Variants in AFF2 observed in about 807,000 individuals in gnomAD.
AFF2 encodes AF4/FMR2 family member 2.
In AFF2, 14 loss-of-function variants were observed where a neutral mutation model predicts 76.9. The observed-to-expected ratio is 0.18, with a 90% CI of 0.12 to 0.28. The LOEUF is 0.28. AFF2 is among the 10% of genes least tolerant of loss of function. The probability of loss-of-function intolerance (pLI) is 1.00; values close to 1 mark genes in which losing one functional copy is unlikely to be tolerated. For synonymous variants in AFF2, 398 were observed against 366.7 expected (o/e 1.09, Z -0.98); for missense variants, 868 against 1,001.1 (o/e 0.87, Z 1.79).
At chrX:148,617,218 C>T (rs1200729648) in intron 1 of AFF2, among the ~76,000 whole-genome samples, 1 of 111,688 alleles carries the variant, frequency 9.0e-6, no homozygotes, top group African/African-American at 3.3e-5. Context: ...TATTTCTCCA[C>T]ATCCTCTCCA....
intron 1 of AFF2, among the ~76,000 whole-genome samples, chrX:148,546,559 A>C (rs1168472052): frequency 8.9e-6 from 1 of 112,354 alleles, no homozygotes; most frequent in East Asian, 2.8e-4. Flanking sequence ...GTAAGAACTG[A>C]ATTTGAGACC....
chrX:148,762,234 A>G (rs1241280715), intron 3 of AFF2, among the ~76,000 whole-genome samples: 2 of 109,124 alleles, frequency 1.8e-5, no homozygotes, highest in Non-Finnish European at 3.8e-5. Context: ...AGTTCATTGT[A>G]TCATTCTTAT....
chrX:148,940,968 C>T (rs1181777137), intron 9 of AFF2, among the ~76,000 whole-genome samples: 3 of 111,799 alleles, frequency 2.7e-5, no homozygotes, highest in African/African-American at 9.7e-5. Flanking sequence ...CTAGTATTTC[C>T]TATGCTGTCA....
intron 1 of AFF2, among the ~76,000 whole-genome samples, chrX:148,614,738 T>TTTCTTTCTTTCCTTTTC (rs1158870444): frequency 3.6e-5 from 2 of 55,286 alleles, no homozygotes; most frequent in East Asian, 1.0e-3. Context: ...TCTTTCCTTC[T>TTTCTTTCTTTCCTTTTC]TTTCTTTCTT....
intron 19 of AFF2, among the ~76,000 whole-genome samples, chrX:148,985,860 A>G (rs781851055): frequency 9.0e-6 from 1 of 111,138 alleles, no homozygotes; most frequent in East Asian, 2.9e-4. Flanking sequence ...ACCAGAACAT[A>G]CCAGAAAATA....
At chrX:148,783,783 G>A (rs1603300133) in intron 3 of AFF2, among the ~76,000 whole-genome samples, 5 of 111,823 alleles carry the variant, frequency 4.5e-5, no homozygotes, top group Admixed American at 3.8e-4. Context: ...CCTTCAGATA[G>A]CTAACAAATG....
intron 2 of AFF2, among the ~76,000 whole-genome samples, chrX:148,660,493 A>T (rs911188282): frequency 3.6e-5 from 4 of 112,210 alleles, no homozygotes; most frequent in African/African-American, 1.3e-4. Context: ...TTAGACTGAG[A>T]TGCTAGCGCT....
intron 1 of AFF2, among the ~76,000 whole-genome samples, chrX:148,565,703 G>A (rs2053162114): frequency 2.7e-5 from 3 of 110,697 alleles, no homozygotes; most frequent in African/African-American, 9.9e-5. Context: ...TTGTTTCATT[G>A]ACATTCCACA....
intron 1 of AFF2, among the ~76,000 whole-genome samples, chrX:148,619,315 G>A (rs1264977008): frequency 1.8e-5 from 2 of 111,455 alleles, no homozygotes; most frequent in African/African-American, 6.5e-5. Context: ...ACTGTGTGTG[G>A]GAGTGCAGTC....
chrX:148,719,657 C>T (rs2055068411), intron 3 of AFF2, among the ~76,000 whole-genome samples: 1 of 111,723 alleles, frequency 9.0e-6, no homozygotes, highest in South Asian at 3.8e-4. Context: ...TCGTGGGGAT[C>T]AAAACAAACA....
chrX:148,516,508 A>G (rs1029704780), intron 1 of AFF2, among the ~76,000 whole-genome samples: 91 of 111,969 alleles, frequency 8.1e-4, no homozygotes, highest in Non-Finnish European at 1.3e-3. Context: ...TCTCACTGTC[A>G]CCATATTGGC....
At chrX:148,929,470 T>A (rs2071688275) in intron 9 of AFF2, among the ~76,000 whole-genome samples, 1 of 112,500 alleles carries the variant, frequency 8.9e-6, no homozygotes, top group African/African-American at 3.2e-5. Flanking sequence ...TAGGTTGTAG[T>A]ATAGCTGAGG....
chrX:148,797,523 A>G (rs975694820), intron 3 of AFF2, among the ~76,000 whole-genome samples: 1 of 112,223 alleles, frequency 8.9e-6, no homozygotes, highest in Non-Finnish European at 1.9e-5. Flanking sequence ...AAAATAAAGT[A>G]CTTTCAGGAA....
chrX:148,802,653 C>A (rs782291366), intron 3 of AFF2, among the ~76,000 whole-genome samples: 78 of 111,719 alleles, frequency 7.0e-4, no homozygotes, highest in Admixed American at 1.7e-3. Context: ...AATTACACAG[C>A]TAATTAGTGG....
intron 5 of AFF2, among the ~76,000 whole-genome samples, chrX:148,840,597 C>T (rs994519062): frequency 3.6e-5 from 4 of 112,669 alleles, no homozygotes; most frequent in African/African-American, 9.7e-5. Flanking sequence ...AACTTGGCAT[C>T]ATTATATTCT....
chrX:148,715,315 A>T (rs1400141577), intron 3 of AFF2, among the ~76,000 whole-genome samples: 1 of 111,845 alleles, frequency 8.9e-6, no homozygotes, highest in Non-Finnish European at 1.9e-5. Flanking sequence ...CACTAGATTT[A>T]GTTTCTGGTT....
chrX:148,874,213 T>G (rs2071010045), intron 7 of AFF2, among the ~76,000 whole-genome samples: 1 of 111,773 alleles, frequency 8.9e-6, no homozygotes, highest in Non-Finnish European at 1.9e-5. Flanking sequence ...TTAAACTGCT[T>G]TCTTCAACCA....
chrX:148,576,758 T>C (rs1199732649), intron 1 of AFF2, among the ~76,000 whole-genome samples: 2 of 104,568 alleles, frequency 1.9e-5, no homozygotes, highest in Non-Finnish European at 3.9e-5. Flanking sequence ...TCCCCTAGTT[T>C]AGCGACATGA....
At chrX:148,795,150 C>T (rs2069951106) in intron 3 of AFF2, among the ~76,000 whole-genome samples, 1 of 111,946 alleles carries the variant, frequency 8.9e-6, no homozygotes, top group African/African-American at 3.2e-5. Context: ...TTTCTATTAG[C>T]GATGGTCTTA....
Sources: allele counts gnomAD v4.1 joint callset (sites outside exome capture counted in the v4.1 genomes callset), GRCh38; gene constraint gnomAD v4.1.1; transcripts MANE v1.5; gene names NCBI Gene and HGNC (gene_info 2026-07-23, HGNC 2026-07-21).